POLI: variants seen among roughly 807,000 people sequenced by gnomAD.
The protein encoded by POLI is DNA polymerase iota.
In POLI, 58 loss-of-function variants were observed where a neutral mutation model predicts 51.6. The ratio of observed to expected loss-of-function variants is 1.12; its 90% CI spans 0.91 to 1.40. The LOEUF is 1.40. POLI is among the 40% of genes most tolerant of loss of function. The pLI is 0.00. For synonymous variants in POLI, 322 were observed against 299.7 expected (o/e 1.07, Z -0.77); for missense variants, 921 against 871.3 (o/e 1.06, Z -0.72).
downstream of POLI, among the ~76,000 whole-genome samples, chr18:54,302,986 T>C (rs1011822134): frequency 6.6e-6 from 1 of 152,248 alleles, no homozygotes; most frequent in Admixed American, 6.5e-5. Flanking sequence ...CCAAGTCCCA[T>C]TAGCATCACA....
chr18:54,279,241 C>CTT (rs769828054), intron 4 of POLI, among the ~76,000 whole-genome samples: 8,152 of 119,090 alleles, frequency 0.068, 429 homozygotes, highest in African/African-American at 0.098. Flanking sequence ...TATGTCTTTT[C>CTT]TTTTTTTTTT....
At chr18:54,303,152 T>C (rs2088520903), downstream of POLI, among the ~76,000 whole-genome samples, 1 of 152,214 alleles carries the variant, frequency 6.6e-6, no homozygotes, top group Non-Finnish European at 1.5e-5. Flanking sequence ...GAAGCTCTCA[T>C]GGTAGGACAC....
intron 9 of POLI, among the ~76,000 whole-genome samples, chr18:54,292,370 C>T (rs1389444702): frequency 6.6e-6 from 1 of 152,080 alleles, no homozygotes; most frequent in Non-Finnish European, 1.5e-5. Flanking sequence ...TTAGAAATCA[C>T]ATCTTTTTGT....
intron 4 of POLI, among the ~76,000 whole-genome samples, 189 bp downstream of exon 4, chr18:54,278,044 A>T (rs1038041659): frequency 1.3e-5 from 2 of 152,184 alleles, no homozygotes; most frequent in Admixed American, 1.3e-4. Flanking sequence ...TAAGATTTTG[A>T]TGACATGTAG....
At chr18:54,319,529 A>G (rs541020557) in intron 3 of POLI, among the ~76,000 whole-genome samples, 3 of 152,304 alleles carry the variant, frequency 2.0e-5, no homozygotes, top group Admixed American at 2.0e-4. Context: ...GAGGAGTTAT[A>G]TGGTAAGAAA....
chr18:54,276,514 AT>A (rs1316646754), intron 3 of POLI, among the ~76,000 whole-genome samples: 2 of 152,056 alleles, frequency 1.3e-5, no homozygotes, highest in Admixed American at 6.5e-5. Context: ...CTTATCCTTT[AT>A]TTTTCTTATG....
At chr18:54,291,629 A>G (rs1488841751) in intron 8 of POLI, 8 of 350,038 alleles carry the variant, frequency 2.3e-5, no homozygotes, top group Non-Finnish European at 3.6e-5. Context: ...TGACCATATC[A>G]GTGTAGTATA....
In POLI at chr18:54,294,831, T is replaced by C. The variant is rs79277601; in HGVS notation, c.*364T>C. On this transcript the variant is annotated 3_prime_UTR_variant, in exon 10 of 10. Coordinates refer to ENST00000579534, the MANE Select transcript of POLI (RefSeq NM_007195.3). ...AAAGGACACATTTTTTTTTTTTTTT[T>C]CCTGTGAAATGTGGAATATCTCAAA... The C allele has an allele frequency of 1.4e-5, 13 of 947,336 alleles. No homozygotes were observed. In the African/African-American group the frequency reaches 2.0e-4, roughly 15 times the overall value. 58.7% of individuals were successfully genotyped at this position (947,336 alleles called of 1,614,324 possible).
At chr18:54,309,467 T>TTG (rs1279200134) in intron 3 of POLI, among the ~76,000 whole-genome samples, 1 of 152,168 alleles carries the variant, frequency 6.6e-6, no homozygotes, top group East Asian at 1.9e-4. Flanking sequence ...AAGCTTTGTC[T>TTG]CAGAGGGGCA....
chr18:54,298,546 C>T (rs909717527), downstream of POLI, among the ~76,000 whole-genome samples: 10 of 151,216 alleles, frequency 6.6e-5, no homozygotes, highest in Non-Finnish European at 1.3e-4. Flanking sequence ...GCTTGGTGTC[C>T]AGGAACCCTG....
intron 3 of POLI, among the ~76,000 whole-genome samples, chr18:54,312,728 T>C (rs965795739): frequency 6.6e-6 from 1 of 152,236 alleles, no homozygotes; most frequent in African/African-American, 2.4e-5. Context: ...TTTTTTCATA[T>C]GTTTATTAGC....
chr18:54,277,147 T>G (rs1285334877), intron 3 of POLI, among the ~76,000 whole-genome samples: 1 of 152,230 alleles, frequency 6.6e-6, no homozygotes, highest in Non-Finnish European at 1.5e-5. Flanking sequence ...GGTTCATCTC[T>G]GCCTCTCTGT....
In POLI at chr18:54,294,643, CAG is replaced by C. The variant is rs200355635; in HGVS notation, c.*178_*179del. On this transcript the variant is annotated 3_prime_UTR_variant, in exon 10 of 10. Coordinates refer to ENST00000579534, the MANE Select transcript of POLI (RefSeq NM_007195.3). Reference sequence around the variant, plus strand: ...TCTGGCACAAAGCGTAAAAATATAACAGAAGAAATAATGTAAAATACTATCTT... The same window carrying C: ...TCTGGCACAAAGCGTAAAAATATAACAAGAAATAATGTAAAATACTATCTT... 2.1e-3 allele frequency: 2,721 copies of C among 1,274,278 alleles called. 67 individuals are homozygous for C. In the East Asian group the frequency reaches 0.049, roughly 23 times the overall value. The allele number at this position is 1,274,278 out of a possible 1,614,324, so 78.9% of individuals were successfully genotyped here. A position where few individuals can be genotyped will look rare whatever the true frequency, so the allele number is the denominator to read the frequency against.
chr18:54,287,366 C>A lies in POLI; in HGVS notation c.1153C>A (p.Arg385Ser). The stretch of plus-strand genomic sequence containing the variant: ...TGAGAAGCACTATGGTCGTGAGAGT[C>A]GTCAGTGCCCTATTCCTTCACATGT... ...SSEKHYGRES[R>S]QCPIPSHVIQ... Residue 385 changes from arginine to serine, a missense_variant, in exon 8 of 10, where the codon CGT becomes AGT. Coordinates refer to ENST00000579534, the MANE Select transcript of POLI (RefSeq NM_007195.3). 2 of 1,603,900 alleles carry A rather than the reference C, an allele frequency of 1.2e-6. No homozygotes were observed. Among genetic ancestry groups the A allele is most frequent in the South Asian group, 2.2e-5 (2 of 89,514 alleles).
At chr18:54,311,217 G>A in intron 3 of POLI, 1 of 402,474 alleles carries the variant, frequency 2.5e-6, no homozygotes, top group East Asian at 1.6e-4. Flanking sequence ...AGAAGCTGCT[G>A]TTGCCTCTGT....
chr18:54,294,377 A>C lies in POLI; in HGVS notation c.2133A>C (p.Gln711His). ...KITFPSDIDP[Q>H]VFYELPEAVQ... The stretch of plus-strand genomic sequence containing the variant: ...CTTTCCCTTCTGACATTGATCCTCA[A>C]GTTTTCTATGAACTACCAGAAGCAG... The change falls in exon 10 of 10, where the codon CAA becomes CAC. Residue 711 changes from glutamine (Q) to histidine (H), a missense_variant. Transcript: ENST00000579534. 1 of 1,613,588 alleles carries C rather than the reference A, an allele frequency of 6.2e-7. No individual in the cohort carries two copies. The highest frequency in any genetic ancestry group is 8.5e-7 in the Non-Finnish European group (1 of 1,179,680).
Position 54,291,818 on chromosome 18 carries a change from A to G in POLI, c.1199-15A>G, listed in dbSNP as rs141656503. The G allele has an allele frequency of 2.8e-5, 35 of 1,269,952 alleles. No individual in the cohort carries two copies. The Middle Eastern group carries it at 2.1e-3, about 75-fold the overall frequency. The allele number at this position is 1,269,952 out of a possible 1,614,324, so 78.7% of individuals were successfully genotyped here. A position where few individuals can be genotyped will look rare whatever the true frequency, so the allele number is the denominator to read the frequency against. ...AATATTAATTATAATGTTTATTCTTAAACATTTTATTTAGGAAATTATGAT... is the reference window on the plus strand; with the variant it reads ...AATATTAATTATAATGTTTATTCTTGAACATTTTATTTAGGAAATTATGAT... On this transcript the variant is annotated splice_polypyrimidine_tract_variant and intron_variant, in intron 8 of 9. Transcript: ENST00000579534.
chr18:54,305,349 T>G (rs1312675478), intron 3 of POLI, among the ~76,000 whole-genome samples: 3 of 152,166 alleles, frequency 2.0e-5, no homozygotes, highest in East Asian at 1.9e-4. Flanking sequence ...AAATTACCTT[T>G]GGCAGTATGG....
chr18:54,271,380 C>T lies in POLI; in HGVS notation c.136C>T (p.Pro46Ser). 1 of 1,612,020 alleles carries T rather than the reference C, an allele frequency of 6.2e-7. No individual in the cohort carries two copies. The highest frequency in any genetic ancestry group is 8.5e-7 in the Non-Finnish European group (1 of 1,178,588). The change falls in exon 2 of 10, where the codon CCC (proline) becomes TCC (serine). Residue 46 changes from proline (P) to serine (S), a missense_variant. Coordinates refer to ENST00000579534, the MANE Select transcript of POLI (RefSeq NM_007195.3). ...TGCAGGAGTTCATGATCAAGTGTTGCCCACACCAAATGCTTCATCCAGAGT... is the reference window on the plus strand; with the variant it reads ...TGCAGGAGTTCATGATCAAGTGTTGTCCACACCAAATGCTTCATCCAGAGT... ...SSQGVHDQVL[P>S]TPNASSRVIV...
Sources: allele counts gnomAD v4.1 joint callset (sites outside exome capture counted in the v4.1 genomes callset), GRCh38; gene constraint gnomAD v4.1.1; transcripts MANE v1.5; gene names NCBI Gene and HGNC (gene_info 2026-07-23, HGNC 2026-07-21).